KIAA1586: variants seen among roughly 807,000 people sequenced by gnomAD.
KIAA1586 encodes KIAA1586.
Under a neutral mutation model 6.1 loss-of-function variants are expected in KIAA1586, and 5 were observed. The ratio of observed to expected loss-of-function variants is 0.82; its 90% CI spans 0.43 to 1.73. The LOEUF is 1.73. Ranked by LOEUF, KIAA1586 falls within the 40% of genes most tolerant of loss-of-function variation. The probability of loss-of-function intolerance (pLI) is 0.02; values close to 1 mark genes in which losing one functional copy is unlikely to be tolerated. For missense variants in KIAA1586, 899 were observed against 878.2 expected (o/e 1.02, Z -0.30); for synonymous variants, 280 against 301.7 (o/e 0.93, Z 0.75).
intron 3 of KIAA1586, among the ~76,000 whole-genome samples, chr6:57,051,326 C>T (rs1456045714): frequency 6.6e-6 from 1 of 151,464 alleles, no homozygotes; most frequent in African/African-American, 2.4e-5. Flanking sequence ...TATATAAATG[C>T]ACAAGTACAT....
Position 57,052,841 on chromosome 6 carries a change from A to G in KIAA1586, c.342A>G (p.Pro114=), listed in dbSNP as rs762580031. ...KEPHFEYIEQ[P]IIEEKPSLSS... ...CACATTTCGAGTATATTGAACAACC[A>G]ATCATTGAAGAAAAGCCATCACTTT... is the stretch of plus-strand genomic sequence containing the variant. The change falls in exon 4 of 4, where the codon CCA becomes CCG. Residue 114 remains proline (P), a synonymous_variant. Coordinates refer to ENST00000370733, the MANE Select transcript of KIAA1586 (RefSeq NM_020931.4). The G allele has an allele frequency of 1.1e-5, 17 of 1,613,352 alleles. No individual in the cohort carries two copies. In the East Asian group the frequency reaches 1.6e-4, roughly 15 times the overall value.
At chr6:57,046,884 T>C (rs551870635) in intron 1 of KIAA1586, 108 bp downstream of exon 1, 1 of 1,429,328 alleles carries the variant, frequency 7.0e-7, no homozygotes, top group African/African-American at 1.5e-5. Flanking sequence ...GGGCGATACC[T>C]CTTCAGTGTC....
the KIAA1586 span, among the ~76,000 whole-genome samples, chr6:57,066,652 C>G: frequency 6.6e-6 from 1 of 152,196 alleles, no homozygotes; most frequent in African/African-American, 2.4e-5. Flanking sequence ...TCAGCTGTCA[C>G]TGATGCTCGC....
the KIAA1586 span, among the ~76,000 whole-genome samples, chr6:57,065,364 A>G: frequency 3.3e-5 from 5 of 152,332 alleles, no homozygotes; most frequent in African/African-American, 4.8e-5. Context: ...GTTGCTAATC[A>G]GAAGCCTAAT....
At chr6:57,047,751 C>A (rs1828220388) in intron 2 of KIAA1586, among the ~76,000 whole-genome samples, 1 of 32,604 alleles carries the variant, frequency 3.1e-5, no homozygotes, top group East Asian at 6.2e-4. Flanking sequence ...ACGTAGAAAA[C>A]AGGAAGGGTT....
At chr6:57,056,606 G>A (rs1194174775), downstream of KIAA1586, among the ~76,000 whole-genome samples, 2 of 150,518 alleles carry the variant, frequency 1.3e-5, no homozygotes, top group African/African-American at 4.9e-5. Flanking sequence ...GGACTGCAGT[G>A]GCTCACTGCA....
chr6:57,050,042 C>T (rs73467894), intron 2 of KIAA1586, among the ~76,000 whole-genome samples: 2,188 of 151,832 alleles, frequency 0.014, 56 homozygotes, highest in African/African-American at 0.05. Flanking sequence ...GGGTTTTTCA[C>T]TATGTTGCCC....
intron 3 of KIAA1586, among the ~76,000 whole-genome samples, chr6:57,051,215 G>C (rs1207501205): frequency 2.7e-5 from 4 of 145,520 alleles, no homozygotes; most frequent in African/African-American, 1.0e-4. Context: ...CTGGGCAACA[G>C]AGCAAGACTC....
chr6:57,053,934 G>A lies in KIAA1586; in HGVS notation c.1435G>A (p.Val479Ile). The A allele has an allele frequency of 6.3e-7, 1 of 1,582,640 alleles. No homozygotes were observed. The highest frequency in any genetic ancestry group is 8.6e-7 in the Non-Finnish European group (1 of 1,169,282). Residue 479 changes from valine to isoleucine, a missense_variant, in exon 4 of 4, where the codon GTA becomes ATA. Physicochemically the swap from Val to Ile is conservative, Grantham distance 29. Transcript: ENST00000370733. Reference protein sequence around the residue: ...LETEIIKIGRVMGPRWAACSL... With the variant: ...LETEIIKIGRIMGPRWAACSL... ...AACTGAAATTATTAAAATTGGTCGAGTAATGGGACCAAGATGGGCGGCATG... is the reference window on the plus strand; with the variant it reads ...AACTGAAATTATTAAAATTGGTCGAATAATGGGACCAAGATGGGCGGCATG...
At position 57,054,621 on chromosome 6, in the gene KIAA1586, G is replaced by A. The variant is rs1828453861; in HGVS notation, c.2122G>A (p.Glu708Lys). 6.3e-7 allele frequency: 1 copy of A among 1,596,064 alleles called. No homozygotes were observed. The highest frequency in any genetic ancestry group is 1.7e-5 in the Admixed American group (1 of 58,390). Residue 708 changes from glutamate to lysine, a missense_variant, in exon 4 of 4, where the codon GAA (glutamate) becomes AAA (lysine). By Grantham distance (56) the Glu-to-Lys change is moderately conservative. Coordinates refer to ENST00000370733, the MANE Select transcript of KIAA1586 (RefSeq NM_020931.4). Reference sequence around the variant, plus strand: ...CATTGCAATCAATAGTGCTGAAGCTGAAAGGGGTTTCAATTTAATGAACAT... The same window carrying A: ...CATTGCAATCAATAGTGCTGAAGCTAAAAGGGGTTTCAATTTAATGAACAT... ...STIAINSAEA[E>K]RGFNLMNIIC...
At position 57,054,829 on chromosome 6, in the gene KIAA1586, A is replaced by G; in HGVS notation, c.2330A>G (p.His777Arg). 6.4e-7 allele frequency: 1 copy of G among 1,550,756 alleles called. No homozygotes were observed. The highest frequency in any genetic ancestry group is 8.7e-7 in the Non-Finnish European group (1 of 1,146,404). The change falls in exon 4 of 4, where the codon CAT becomes CGT. Residue 777 changes from histidine (H) to arginine (R), a missense_variant. Coordinates refer to ENST00000370733, the MANE Select transcript of KIAA1586 (RefSeq NM_020931.4). The stretch of plus-strand genomic sequence containing the variant: ...CGGCAAAAGTCAACAAAAGTCTTCC[A>G]TGAGAATCAATTGGCTATATGGAAC... ...RVRQKSTKVFHENQLAIWNLK is the reference protein window; with the variant it reads ...RVRQKSTKVFRENQLAIWNLK
chr6:57,058,083 C>T (rs1411361870), downstream of KIAA1586, among the ~76,000 whole-genome samples: 3 of 152,084 alleles, frequency 2.0e-5, no homozygotes, highest in Non-Finnish European at 4.4e-5. Flanking sequence ...GTGTGAGCCA[C>T]CGCGCCCATC....
Position 57,054,276 on chromosome 6 carries a change from A to C in KIAA1586, c.1777A>C (p.Asn593His). ...KSDKFKDIPF[N>H]KNNKFNALPR... is the part of the protein sequence containing the mutation. ...AGATAAGTTTAAAGATATTCCATTTAATAAAAACAATAAATTTAATGCTCT... is the reference window on the plus strand; with the variant it reads ...AGATAAGTTTAAAGATATTCCATTTCATAAAAACAATAAATTTAATGCTCT... The change falls in exon 4 of 4, where the codon AAT becomes CAT. Residue 593 changes from asparagine (N) to histidine (H), a missense_variant. By Grantham distance (68) the Asn-to-His change is moderately conservative (BLOSUM62 1). Transcript: ENST00000370733. 1 of 1,579,644 alleles carries C rather than the reference A, an allele frequency of 6.3e-7. No individual in the cohort carries two copies. The highest frequency in any genetic ancestry group is 1.2e-5 in the South Asian group (1 of 86,456).
At chr6:57,058,257 C>T (rs1433087576), downstream of KIAA1586, among the ~76,000 whole-genome samples, 3 of 152,152 alleles carry the variant, frequency 2.0e-5, no homozygotes, top group African/African-American at 7.2e-5. Flanking sequence ...GTTATTTCTT[C>T]ATTCCACTAA....
At position 57,054,202 on chromosome 6, in the gene KIAA1586, A is replaced by G. The variant is rs1828432642; in HGVS notation, c.1703A>G (p.Lys568Arg). The change falls in exon 4 of 4, where the codon AAA (lysine) becomes AGA (arginine). Residue 568 changes from lysine (K) to arginine (R), a missense_variant. Physicochemically the swap from Lys to Arg is conservative, Grantham distance 26. Transcript: ENST00000370733. Reference sequence around the variant, plus strand: ...ACCATAAGAGCTTTGGAAAATTTAAAAATTGGTACTGGAAAGTATGAATCT... The same window carrying G: ...ACCATAAGAGCTTTGGAAAATTTAAGAATTGGTACTGGAAAGTATGAATCT... ...KRTIRALENLKIGTGKYESQI... is the reference protein window; with the variant it reads ...KRTIRALENLRIGTGKYESQI... 1 of 1,592,508 alleles carries G rather than the reference A, an allele frequency of 6.3e-7. No homozygotes were observed. Among genetic ancestry groups the G allele is most frequent in the Non-Finnish European group, 8.5e-7 (1 of 1,172,948 alleles).
chr6:57,059,689 A>G (rs1828541515), downstream of KIAA1586, among the ~76,000 whole-genome samples: 1 of 152,118 alleles, frequency 6.6e-6, no homozygotes. Context: ...AGTTTCATCA[A>G]TCTAGACCTT....
chr6:57,054,253 A>T lies in KIAA1586; in HGVS notation c.1754A>T (p.Asp585Val). ...ESQIEDLIKS[D>V]KFKDIPFNKN... Reference sequence around the variant, plus strand: ...CAAATTGAAGATTTGATCAAGTCAGATAAGTTTAAAGATATTCCATTTAAT... The same window carrying T: ...CAAATTGAAGATTTGATCAAGTCAGTTAAGTTTAAAGATATTCCATTTAAT... Residue 585 changes from aspartate (D) to valine (V), a missense_variant, in exon 4 of 4, where the codon GAT becomes GTT. Physicochemically the swap from Asp to Val is radical, Grantham distance 152. Transcript: ENST00000370733. 3 of 1,592,798 alleles carry T rather than the reference A, an allele frequency of 1.9e-6. No individual in the cohort carries two copies. Among genetic ancestry groups the T allele is most frequent in the Non-Finnish European group, 2.6e-6 (3 of 1,171,792 alleles).
the KIAA1586 span, among the ~76,000 whole-genome samples, chr6:57,060,351 C>G: frequency 6.6e-6 from 1 of 152,116 alleles, no homozygotes; most frequent in Non-Finnish European, 1.5e-5. Context: ...TTGCCAGAAG[C>G]TTTTCCAAGC....
chr6:57,059,279 C>A (rs979588741), downstream of KIAA1586, among the ~76,000 whole-genome samples: 6 of 150,958 alleles, frequency 4.0e-5, no homozygotes, highest in Admixed American at 2.6e-4. Flanking sequence ...ATAAAATAAT[C>A]ATTGTATTTC....
Sources: gnomAD v4.1 joint callset for allele counts (sites outside exome capture counted in the v4.1 genomes callset) on GRCh38, gnomAD v4.1.1 for gene constraint, MANE v1.5 for transcripts, NCBI Gene and HGNC (gene_info 2026-07-23, HGNC 2026-07-21) for gene names.